Variants in VLDLR observed in about 807,000 individuals in gnomAD.
VLDLR encodes the protein very low density lipoprotein receptor.
In VLDLR, 81 loss-of-function variants were observed where a neutral mutation model predicts 112.7. That is an observed-to-expected ratio of 0.72 (90% confidence interval 0.60 to 0.86). The LOEUF (loss-of-function observed/expected upper bound fraction) is 0.86. VLDLR is among the 40% of genes least tolerant of loss of function. The probability of loss-of-function intolerance (pLI) is 0.00; values close to 1 mark genes in which losing one functional copy is unlikely to be tolerated. For missense variants in VLDLR, 1,237 were observed against 1,099.4 expected (o/e 1.13, Z -1.77); for synonymous variants, 436 against 384.8 (o/e 1.13, Z -1.56).
chr9:2,639,418 G>A (rs1349714685), intron 2 of VLDLR, among the ~76,000 whole-genome samples: 1 of 152,158 alleles, frequency 6.6e-6, no homozygotes, highest in Admixed American at 6.5e-5. Flanking sequence ...TTCCACACGT[G>A]AATTCTGGGT....
At position 2,624,819 on chromosome 9, in the gene VLDLR, C is replaced by T. The variant is rs183139510; in HGVS notation, c.82+2548C>T. Among the ~76,000 whole-genome samples, 102 of 152,234 alleles carry T rather than the reference C, an allele frequency of 6.7e-4. 2 individuals are homozygous for T. The East Asian group carries it at 9.3e-3, about 14-fold the overall frequency. On this transcript the variant is annotated intron_variant, in intron 1 of 18. Coordinates refer to ENST00000382100, the MANE Select transcript of VLDLR (RefSeq NM_003383.5). ...TGATCACTCATGTGAGCAGGGACTG[C>T]GTAAAGGAAGGTCACCAGCCAAGCC...
intron 1 of VLDLR, 73 bp downstream of exon 1, chr9:2,622,344 C>T (rs1281878500): frequency 2.3e-6 from 3 of 1,316,100 alleles, no homozygotes; most frequent in Non-Finnish European, 2.9e-6. Context: ...AGGCGTAGGT[C>T]TCCGTTTGCC....
In VLDLR at chr9:2,658,504, G is replaced by A. The variant is rs1000641960; in HGVS notation, c.*4636G>A. 2 of 152,172 alleles carry A rather than the reference G, an allele frequency of 1.3e-5. No homozygotes were observed. The highest frequency in any genetic ancestry group is 4.8e-5 in the African/African-American group (2 of 41,432). The allele number at this position is 152,172 out of a possible 1,614,324, so 9.4% of individuals were successfully genotyped here. A position where few individuals can be genotyped will look rare whatever the true frequency, so the allele number is the denominator to read the frequency against. Reference sequence around the variant, plus strand: ...TGGCTTTTTTCTTCACTGCGCTCAAGGAAAAAGTCAGATGGGTGACAAGGT... The same window carrying A: ...TGGCTTTTTTCTTCACTGCGCTCAAAGAAAAAGTCAGATGGGTGACAAGGT... On this transcript the variant is annotated 3_prime_UTR_variant, in exon 19 of 19. Transcript: ENST00000382100.
At chr9:2,634,860 T>G (rs1375302079) in intron 1 of VLDLR, among the ~76,000 whole-genome samples, 3 of 152,200 alleles carry the variant, frequency 2.0e-5, no homozygotes, top group Non-Finnish European at 2.9e-5. Context: ...TAAATCTTCT[T>G]CACTGTGCTT....
chr9:2,647,637 T>C (rs1409071653), intron 12 of VLDLR, 45 bp downstream of exon 12: 1 of 1,505,622 alleles, frequency 6.6e-7, no homozygotes, highest in Non-Finnish European at 9.3e-7. Context: ...ACTATCTTCA[T>C]AGTGTTTCCA....
At chr9:2,630,365 A>G (rs960464048) in intron 1 of VLDLR, among the ~76,000 whole-genome samples, 2 of 152,032 alleles carry the variant, frequency 1.3e-5, no homozygotes, top group African/African-American at 4.8e-5. Flanking sequence ...CAGAAGTGCC[A>G]AAACAAATGG....
rs145214806 is a variant in VLDLR, at chr9:2,644,622, C to A, written c.1067-112C>A. On this transcript the variant is annotated intron_variant, in intron 7 of 18. Transcript: ENST00000382100. ...ATAAATGATTAGGTCTTAGACAAATCGTGGGTTTGACCAGGCCAACTAGAT... is the reference window on the plus strand; with the variant it reads ...ATAAATGATTAGGTCTTAGACAAATAGTGGGTTTGACCAGGCCAACTAGAT... The A allele has an allele frequency of 2.2e-5, 30 of 1,359,032 alleles. 1 individual carries two copies. The South Asian group carries it at 3.2e-4, about 14-fold the overall frequency. The allele number at this position is 1,359,032 out of a possible 1,614,324, so 84.2% of individuals were successfully genotyped here. A position where few individuals can be genotyped will look rare whatever the true frequency, so the allele number is the denominator to read the frequency against.
Position 2,644,756 on chromosome 9 carries a change from T to C in VLDLR, c.1089T>C (p.Asn363=). The change falls in exon 8 of 19, where the codon AAT becomes AAC. Residue 363 remains asparagine, a synonymous_variant. Coordinates refer to ENST00000382100, the MANE Select transcript of VLDLR (RefSeq NM_003383.5). ...KECHINECLV[N]NGGCSHICKD... is the part of the protein sequence containing the mutation. ...CAGATATAAACGAATGCTTGGTAAA[T>C]AATGGTGGATGTTCTCATATCTGCA... 1.2e-6 allele frequency: 2 copies of C among 1,614,018 alleles called. No homozygotes were observed. The highest frequency in any genetic ancestry group is 1.7e-6 in the Non-Finnish European group (2 of 1,180,012).
At chr9:2,627,889 C>G (rs1293548133) in intron 1 of VLDLR, among the ~76,000 whole-genome samples, 2 of 150,332 alleles carry the variant, frequency 1.3e-5, no homozygotes, top group Non-Finnish European at 3.0e-5. Context: ...AAAATTGCTA[C>G]AAAGATGAGG....
chr9:2,622,258 C>A lies in VLDLR; in HGVS notation c.69C>A (p.Gly23=). 2.7e-6 allele frequency: 4 copies of A among 1,491,402 alleles called. No individual in the cohort carries two copies. The highest frequency in any genetic ancestry group is 3.5e-6 in the Non-Finnish European group (4 of 1,127,140). The allele number at this position is 1,491,402 out of a possible 1,614,324, so 92.4% of individuals were successfully genotyped here. Residue 23 remains glycine, a synonymous_variant, in exon 1 of 19, where the codon GGC becomes GGA. Coordinates refer to ENST00000382100, the MANE Select transcript of VLDLR (RefSeq NM_003383.5). Reference sequence around the variant, plus strand: ...TGTGCTGGGCGCCCCGGGAGAGCGGCGCCACCGGAACCGGTGAGTGAGGAC... The same window carrying A: ...TGTGCTGGGCGCCCCGGGAGAGCGGAGCCACCGGAACCGGTGAGTGAGGAC... ...LALCWAPRES[G]ATGTGRKAKC... is the part of the protein sequence containing the mutation.
chr9:2,622,697 G>C (rs1325313184), intron 1 of VLDLR, among the ~76,000 whole-genome samples: 2 of 152,086 alleles, frequency 1.3e-5, no homozygotes, highest in African/African-American at 4.8e-5. Flanking sequence ...CTCGAACCCC[G>C]GGGAGTGCGG....
intron 18 of VLDLR, 120 bp from the exon 19 acceptor site, chr9:2,653,711 CTT>C (rs1818461960): frequency 1.0e-5 from 10 of 1,004,992 alleles, no homozygotes; most frequent in Non-Finnish European, 1.3e-5. Flanking sequence ...ATCTGACTGA[CTT>C]TTCTTCTAAG....
chr9:2,648,187 G>A (rs761453680), intron 12 of VLDLR, 21 bp from the exon 13 acceptor site: 1 of 1,613,492 alleles, frequency 6.2e-7, no homozygotes, highest in Non-Finnish European at 8.5e-7. Context: ...GTCATGTAAT[G>A]ACAATTCTTT....
chr9:2,645,845 C>T lies in VLDLR; in HGVS notation c.1484+100C>T, dbSNP rs1047965687. On this transcript the variant is annotated intron_variant, in intron 10 of 18. Transcript: ENST00000382100. ...GAGGAGTTTCTTTTGTGTCTAGCCCCATCTAGCATCGAATTACCTGGGGAC... is the reference window on the plus strand; with the variant it reads ...GAGGAGTTTCTTTTGTGTCTAGCCCTATCTAGCATCGAATTACCTGGGGAC... The T allele has an allele frequency of 7.2e-6, 10 of 1,391,294 alleles. 1 individual carries two copies. The East Asian group carries it at 2.3e-4, about 32-fold the overall frequency. 86.2% of individuals were successfully genotyped at this position (1,391,294 alleles called of 1,614,324 possible).
intron 1 of VLDLR, among the ~76,000 whole-genome samples, chr9:2,632,166 A>G (rs1217447829): frequency 6.6e-6 from 1 of 152,176 alleles, no homozygotes; most frequent in Non-Finnish European, 1.5e-5. Flanking sequence ...AACCTAGACA[A>G]TTTCTTAATA....
At position 2,622,208 on chromosome 9, in the gene VLDLR, T is replaced by C; in HGVS notation, c.19T>C (p.Trp7Arg). 6.7e-7 allele frequency: 1 copy of C among 1,502,214 alleles called. No homozygotes were observed. Among genetic ancestry groups the C allele is most frequent in the Non-Finnish European group, 8.8e-7 (1 of 1,132,402 alleles). 93.1% of individuals were successfully genotyped at this position (1,502,214 alleles called of 1,614,324 possible). Residue 7 changes from tryptophan to arginine, a missense_variant, in exon 1 of 19, where the codon TGG becomes CGG. Trp to Arg is a moderately radical substitution (Grantham distance 101). Coordinates refer to ENST00000382100, the MANE Select transcript of VLDLR (RefSeq NM_003383.5). ...GGGCACCATGGGCACGTCCGCGCTC[T>C]GGGCGCTCTGGCTGCTGCTCGCGCT... Reference protein sequence around the residue: MGTSALWALWLLLALCW... With the variant: MGTSALRALWLLLALCW...
chr9:2,652,568 G>A (rs1818400553), intron 17 of VLDLR, among the ~76,000 whole-genome samples: 1 of 152,164 alleles, frequency 6.6e-6, no homozygotes, highest in African/African-American at 2.4e-5. Flanking sequence ...GGATGGATGT[G>A]GCTAGTCCAG....
chr9:2,642,962 C>G (rs1817889619), intron 4 of VLDLR, among the ~76,000 whole-genome samples, 198 bp from the exon 5 acceptor site: 2 of 152,060 alleles, frequency 1.3e-5, no homozygotes, highest in South Asian at 4.1e-4. Context: ...TATTTCTGTT[C>G]TTCTTATTTA....
At chr9:2,651,799 GC>G (rs2130808446) in intron 16 of VLDLR, 74 bp from the exon 17 acceptor site, 1 of 1,537,394 alleles carries the variant, frequency 6.5e-7, no homozygotes, top group South Asian at 1.1e-5. Context: ...AAAGGTTTTG[GC>G]TCCTTACCTG....
Sources: gnomAD v4.1 joint callset for allele counts (sites outside exome capture counted in the v4.1 genomes callset) on GRCh38, gnomAD v4.1.1 for gene constraint, MANE v1.5 for transcripts, NCBI Gene and HGNC (gene_info 2026-07-23, HGNC 2026-07-21) for gene names.